The following MME variants were observed in gnomAD, a reference collection of about 807,000 sequenced individuals.
MME encodes the protein neprilysin.
A neutral mutation model predicts 113.2 loss-of-function variants in MME; 98 were observed. The observed-to-expected ratio is 0.87, with a 90% CI of 0.74 to 1.02. The LOEUF (loss-of-function observed/expected upper bound fraction) is 1.02, where lower values mean the gene tolerates loss of function less well. Among genes scored for constraint, MME ranks in the 50% least tolerant of loss-of-function variants. The pLI is 0.00. For synonymous variants in MME, 292 were observed against 300.6 expected (o/e 0.97, Z 0.30); for missense variants, 836 against 896.0 (o/e 0.93, Z 0.86).
At chr3:155,108,608 A>C (rs1311282461) in intron 3 of MME, among the ~76,000 whole-genome samples, 5 of 152,182 alleles carry the variant, frequency 3.3e-5, no homozygotes, top group African/African-American at 7.2e-5. Flanking sequence ...AAAAAAAAAA[A>C]AACAAATTAA....
At chr3:155,073,416 T>C (rs1047301977) in intron 1 of MME, among the ~76,000 whole-genome samples, 1 of 152,198 alleles carries the variant, frequency 6.6e-6, no homozygotes, top group Non-Finnish European at 1.5e-5. Context: ...ACACCACTAA[T>C]AGAAATATCA....
chr3:155,097,009 G>A (rs1419944832), intron 3 of MME, among the ~76,000 whole-genome samples: 1 of 152,224 alleles, frequency 6.6e-6, no homozygotes, highest in Non-Finnish European at 1.5e-5. Context: ...AAATAGGTGA[G>A]GTTGTGAAAA....
At chr3:155,030,855 G>A (rs948546085) in intron 1 of MME, among the ~76,000 whole-genome samples, 9 of 152,286 alleles carry the variant, frequency 5.9e-5, no homozygotes, top group South Asian at 2.1e-4. Context: ...CCCACAGATG[G>A]AGAGACCGGA....
intron 10 of MME, 65 bp from the exon 11 acceptor site, chr3:155,141,926 C>T: frequency 6.3e-7 from 1 of 1,575,978 alleles, no homozygotes; most frequent in South Asian, 1.1e-5. Context: ...CTAACTATAA[C>T]TGAATCTTGG....
chr3:155,164,291 A>G (rs1434704639), intron 17 of MME, among the ~76,000 whole-genome samples: 1 of 152,156 alleles, frequency 6.6e-6, no homozygotes, highest in Non-Finnish European at 1.5e-5. Flanking sequence ...GGAGGCAAAA[A>G]CAGGGGGAAG....
chr3:155,125,782 A>G (rs898093311), intron 8 of MME, among the ~76,000 whole-genome samples: 2 of 152,004 alleles, frequency 1.3e-5, no homozygotes, highest in African/African-American at 2.4e-5. Context: ...TACAGAAAGT[A>G]AGGAACAGCA....
intron 1 of MME, among the ~76,000 whole-genome samples, chr3:155,038,338 G>A (rs1713194180): frequency 6.6e-6 from 1 of 152,122 alleles, no homozygotes; most frequent in African/African-American, 2.4e-5. Context: ...ACTACTCTCT[G>A]CCAGCTTTAA....
chr3:155,136,363 G>A (rs1042339190), intron 8 of MME, among the ~76,000 whole-genome samples: 5 of 152,100 alleles, frequency 3.3e-5, no homozygotes, highest in African/African-American at 1.2e-4. Flanking sequence ...AGGACATTGG[G>A]TTTTATTGAG....
At chr3:155,037,058 C>G (rs1021852704) in intron 1 of MME, among the ~76,000 whole-genome samples, 3 of 152,146 alleles carry the variant, frequency 2.0e-5, no homozygotes, top group African/African-American at 7.2e-5. Context: ...TATTACTGGA[C>G]TCTATTCTGC....
At chr3:155,093,559 TAG>T (rs1716472965) in intron 3 of MME, among the ~76,000 whole-genome samples, 1 of 152,054 alleles carries the variant, frequency 6.6e-6, no homozygotes, top group African/African-American at 2.4e-5. Context: ...CCTTAACTGA[TAG>T]AAAGTCAAGA....
At chr3:155,171,409 G>A (rs1403738595) in intron 20 of MME, among the ~76,000 whole-genome samples, 4 of 151,924 alleles carry the variant, frequency 2.6e-5, no homozygotes, top group Non-Finnish European at 5.9e-5. Flanking sequence ...GTATTAAATT[G>A]GAAATGACAC....
rs1196310418 is a variant in MME at position 155,138,180 on chromosome 3, A to T, written c.799A>T (p.Asn267Tyr). 21 of 1,613,796 alleles carry T rather than the reference A, an allele frequency of 1.3e-5. No homozygotes were observed. The highest frequency in any genetic ancestry group is 1.7e-5 in the Non-Finnish European group (20 of 1,179,802). ...GGAAGAAAGATTGCCCATCGATGAA[A>T]ACCAGCTTGCTTTGGAAATGAATAA... ...RQEERLPIDE[N>Y]QLALEMNKVM... The change falls in exon 9 of 23, where the codon AAC (asparagine) becomes TAC (tyrosine). Residue 267 changes from asparagine to tyrosine, a missense_variant. Physicochemically the swap from Asn to Tyr is moderately radical, Grantham distance 143 (BLOSUM62 -2). Transcript: ENST00000360490.
At chr3:155,135,830 CT>C (rs1443801646) in intron 8 of MME, among the ~76,000 whole-genome samples, 16 of 152,074 alleles carry the variant, frequency 1.1e-4, no homozygotes, top group Admixed American at 3.9e-4. Flanking sequence ...TGTAGTTCTC[CT>C]TGTAGAAATA....
intron 16 of MME, among the ~76,000 whole-genome samples, chr3:155,156,177 G>A (rs1263248172): frequency 2.0e-5 from 3 of 152,198 alleles, no homozygotes; most frequent in Non-Finnish European, 4.4e-5. Flanking sequence ...GAGTCAGGGG[G>A]TGAGGGGAGT....
intron 22 of MME, among the ~76,000 whole-genome samples, chr3:155,179,664 G>A (rs1712889751): frequency 6.6e-6 from 1 of 152,118 alleles, no homozygotes; most frequent in Admixed American, 6.6e-5. Context: ...CATCACCTCT[G>A]CATCAATGTA....
At chr3:155,103,828 C>G (rs1322775346) in intron 3 of MME, among the ~76,000 whole-genome samples, 1 of 152,200 alleles carries the variant, frequency 6.6e-6, no homozygotes, top group Non-Finnish European at 1.5e-5. Flanking sequence ...ACTCCTCTGT[C>G]CCTGCTCACT....
At chr3:155,171,762 G>A (rs1377279969) in intron 20 of MME, among the ~76,000 whole-genome samples, 2 of 152,058 alleles carry the variant, frequency 1.3e-5, no homozygotes, top group Admixed American at 1.3e-4. Context: ...AGACTTCCTT[G>A]GCAATTCATT....
At chr3:155,070,487 T>A (rs1210572132) in intron 1 of MME, among the ~76,000 whole-genome samples, 30 of 152,126 alleles carry the variant, frequency 2.0e-4, no homozygotes, top group Admixed American at 1.9e-3. Flanking sequence ...TAATCTGACT[T>A]GGTAAGAATG....
intron 8 of MME, among the ~76,000 whole-genome samples, chr3:155,132,964 C>A (rs1157547929): frequency 6.8e-6 from 1 of 147,592 alleles, no homozygotes; most frequent in Non-Finnish European, 1.5e-5. Context: ...TCACTTGAAC[C>A]CAGGACGCGG....
Sources: allele counts gnomAD v4.1 joint callset (sites outside exome capture counted in the v4.1 genomes callset), GRCh38; gene constraint gnomAD v4.1.1; transcripts MANE v1.5; gene names NCBI Gene and HGNC (gene_info 2026-07-23, HGNC 2026-07-21).